The following RGS6 variants were observed in gnomAD, a reference collection of about 807,000 sequenced individuals.
RGS6 encodes the protein regulator of G-protein signaling 6.
Under a neutral mutation model 78.5 loss-of-function variants are expected in RGS6, and 30 were observed. The observed-to-expected ratio is 0.38, with a 90% confidence interval of 0.29 to 0.52. The LOEUF is 0.52. Ranked by LOEUF, RGS6 falls within the 20% of genes least tolerant of loss-of-function variation. The pLI is 0.85. For synonymous variants in RGS6, 206 were observed against 206.0 expected, an observed-to-expected ratio of 1.00 and a Z score of 0.00; for missense variants, 495 against 609.7, an observed-to-expected ratio of 0.81 and a Z score of 1.98.
intron 3 of RGS6, among the ~76,000 whole-genome samples, chr14:72,407,046 T>C (rs1216694213): frequency 6.6e-6 from 1 of 152,252 alleles, no homozygotes; most frequent in Non-Finnish European, 1.5e-5. Context: ...CAATTTTCTT[T>C]AGTTACATTG....
At chr14:72,272,631 C>T (rs7342516) in intron 2 of RGS6, among the ~76,000 whole-genome samples, 9,534 of 152,174 alleles carry the variant, frequency 0.063, 939 homozygotes, top group African/African-American at 0.22. Flanking sequence ...GTGTCTGTGC[C>T]CTTTTATTTC....
chr14:72,560,494 C>A (rs1235009569), intron 17 of RGS6, among the ~76,000 whole-genome samples: 1 of 152,202 alleles, frequency 6.6e-6, no homozygotes, highest in African/African-American at 2.4e-5. Flanking sequence ...AAATGCCTCA[C>A]ACTCTATGTA....
At chr14:72,550,628 G>A in intron 17 of RGS6, 3 of 1,517,128 alleles carry the variant, frequency 2.0e-6, no homozygotes, top group Non-Finnish European at 1.8e-6. Context: ...AATACTAGAA[G>A]GTTCTGAGGC....
intron 10 of RGS6, 139 bp downstream of exon 10, chr14:72,474,838 T>G (rs573035347): frequency 1.3e-6 from 1 of 748,072 alleles, no homozygotes; most frequent in East Asian, 2.7e-5. Context: ...AAATATTGAT[T>G]GAGCAGCTGA....
chr14:72,389,430 G>C (rs372729047), intron 3 of RGS6, among the ~76,000 whole-genome samples: 4 of 152,164 alleles, frequency 2.6e-5, no homozygotes, highest in African/African-American at 9.7e-5. Flanking sequence ...TGCTCCCTTG[G>C]GGGTAGGCCA....
At chr14:71,957,888 C>T (rs568365268) in intron 1 of RGS6, among the ~76,000 whole-genome samples, 41 of 152,148 alleles carry the variant, frequency 2.7e-4, no homozygotes, top group African/African-American at 9.9e-4. Flanking sequence ...ACATCAGCCT[C>T]CCGAGTAGCT....
chr14:71,946,199 T>C (rs537443372), intron 1 of RGS6, among the ~76,000 whole-genome samples: 1 of 152,310 alleles, frequency 6.6e-6, no homozygotes, highest in East Asian at 1.9e-4. Flanking sequence ...TTTCTGCCGA[T>C]AGCCAGGGGT....
chr14:72,127,133 T>C (rs930688746), intron 2 of RGS6, among the ~76,000 whole-genome samples: 20 of 152,204 alleles, frequency 1.3e-4, no homozygotes, highest in Middle Eastern at 6.3e-3. Context: ...TGCCATAAAC[T>C]CTAGGGGCTA....
chr14:72,147,939 G>A (rs1252257043), intron 2 of RGS6, among the ~76,000 whole-genome samples: 2 of 152,068 alleles, frequency 1.3e-5, no homozygotes, highest in African/African-American at 2.4e-5. Flanking sequence ...AGACCATCCT[G>A]GCTAACATGG....
At chr14:71,923,035 G>A in the RGS6 span, among the ~76,000 whole-genome samples, 2 of 152,208 alleles carry the variant, frequency 1.3e-5, no homozygotes, top group African/African-American at 4.8e-5. Context: ...GAGAACAGGA[G>A]AGCAAGGACT....
At chr14:72,368,128 G>A (rs913280759) in intron 3 of RGS6, among the ~76,000 whole-genome samples, 18 of 152,148 alleles carry the variant, frequency 1.2e-4, no homozygotes, top group Non-Finnish European at 2.2e-4. Flanking sequence ...TTAGGGTCTG[G>A]GAAGTCCAAA....
chr14:72,186,369 G>T (rs7148742), intron 2 of RGS6, among the ~76,000 whole-genome samples: 7,314 of 152,304 alleles, frequency 0.048, 228 homozygotes, highest in Middle Eastern at 0.1. Context: ...ACCTTAACAG[G>T]AGCCTGCAAA....
At chr14:72,196,330 A>G (rs2040136748) in intron 2 of RGS6, among the ~76,000 whole-genome samples, 1 of 152,096 alleles carries the variant, frequency 6.6e-6, no homozygotes, top group South Asian at 2.1e-4. Flanking sequence ...TTATTAAGAA[A>G]CAGCAGGGAC....
intron 2 of RGS6, among the ~76,000 whole-genome samples, chr14:72,087,428 G>A (rs552521704): frequency 7.1e-4 from 108 of 152,182 alleles, no homozygotes; most frequent in Admixed American, 1.1e-3. Context: ...ACCGCACCTG[G>A]CCGAAATGCA....
the RGS6 span, among the ~76,000 whole-genome samples, chr14:71,894,852 T>G: frequency 4.2e-3 from 646 of 152,032 alleles, 1 homozygote; most frequent in South Asian, 8.9e-3. Flanking sequence ...GAGATGGAAC[T>G]TCACTCTTGT....
chr14:72,080,240 T>A (rs1263774809), intron 2 of RGS6, among the ~76,000 whole-genome samples: 2 of 152,302 alleles, frequency 1.3e-5, no homozygotes, highest in East Asian at 1.9e-4. Context: ...AGGTGTGAAG[T>A]GATATCTCAT....
At chr14:72,330,416 GAGA>G (rs140585916) in intron 2 of RGS6, among the ~76,000 whole-genome samples, 2,183 of 152,244 alleles carry the variant, frequency 0.014, 47 homozygotes, top group African/African-American at 0.047. Flanking sequence ...ACTGTAAATG[GAGA>G]AGAAGTTCTC....
At chr14:72,586,281 G>T in the RGS6 span, among the ~76,000 whole-genome samples, 2 of 152,208 alleles carry the variant, frequency 1.3e-5, no homozygotes, top group Non-Finnish European at 2.9e-5. Flanking sequence ...TGTTTGGGTT[G>T]TAGGAGTGAA....
At chr14:71,990,149 A>T (rs1380381075) in intron 2 of RGS6, among the ~76,000 whole-genome samples, 1 of 152,160 alleles carries the variant, frequency 6.6e-6, no homozygotes, top group Non-Finnish European at 1.5e-5. Context: ...CCATCTCGCC[A>T]GAGTGAGAAC....
Sources: gnomAD v4.1 joint callset for allele counts (sites outside exome capture counted in the v4.1 genomes callset) on GRCh38, gnomAD v4.1.1 for gene constraint, MANE v1.5 for transcripts, NCBI Gene and HGNC (gene_info 2026-07-23, HGNC 2026-07-21) for gene names.